Variants in STARD8 observed in about 807,000 individuals in gnomAD.
STARD8 encodes StAR related lipid transfer domain containing 8, also known as stAR-related lipid transfer protein 8.
In STARD8, 25 loss-of-function variants were observed where a neutral mutation model predicts 69.4. That is an observed-to-expected ratio of 0.36 (90% CI 0.26 to 0.50). STARD8 has a LOEUF of 0.50. STARD8 is among the 20% of genes least tolerant of loss of function. The pLI is 0.96. For synonymous variants in STARD8, 389 were observed against 374.6 expected, an observed-to-expected ratio of 1.04 and a Z score of -0.45; for missense variants, 921 against 932.5, an observed-to-expected ratio of 0.99 and a Z score of 0.16.
At chrX:68,707,078 G>A (rs1602595933) in intron 2 of STARD8, among the ~76,000 whole-genome samples, 1 of 112,667 alleles carries the variant, frequency 8.9e-6, no homozygotes, top group East Asian at 2.8e-4. Flanking sequence ...CCGCCGCTCA[G>A]GACACTGGCT....
intron 2 of STARD8, among the ~76,000 whole-genome samples, chrX:68,668,603 C>CT (rs1028153124): frequency 5.4e-4 from 60 of 111,274 alleles, no homozygotes; most frequent in South Asian, 3.8e-4. Context: ...CACAGGATCA[C>CT]TTGGTACCAC....
In STARD8 at chrX:68,647,924, G is replaced by T. The variant is rs1203924893; in HGVS notation, c.42G>T (p.Val14=). The change falls in exon 1 of 15, where the codon GTG becomes GTT. Residue 14 remains valine, a synonymous_variant. Coordinates refer to ENST00000374599, the MANE Select transcript of STARD8 (RefSeq NM_001142503.3). ...TTTTCTGGTCTTGCTTCAGGAAGGT[G>T]AAGGTAAGTGACTGGCCAGCCCCAG... ...LDVFWSCFRK[V]KCFPLLQVKK... is the part of the protein sequence containing the mutation. 2 of 1,197,838 alleles carry T rather than the reference G, an allele frequency of 1.7e-6. No individual in the cohort carries two copies. The highest frequency in any genetic ancestry group is 3.5e-5 in the African/African-American group (2 of 57,266).
intron 2 of STARD8, among the ~76,000 whole-genome samples, chrX:68,668,113 CTGTCTT>C (rs1287643710): frequency 4.7e-5 from 4 of 84,662 alleles, no homozygotes; most frequent in Non-Finnish European, 9.2e-5. Context: ...TTCTTTCTTT[CTGTCTT>C]TCTTTCTTTC....
At chrX:68,687,651 G>A (rs898907080) in intron 2 of STARD8, among the ~76,000 whole-genome samples, 33 of 112,427 alleles carry the variant, frequency 2.9e-4, no homozygotes, top group African/African-American at 9.4e-4. Context: ...GAGAGCCAGA[G>A]AGGGCAAGAC....
At chrX:68,692,313 C>A (rs900914842) in intron 2 of STARD8, among the ~76,000 whole-genome samples, 1 of 111,981 alleles carries the variant, frequency 8.9e-6, no homozygotes, top group Non-Finnish European at 1.9e-5. Context: ...ATGGGACACA[C>A]AGTGGTGGTA....
intron 1 of STARD8, among the ~76,000 whole-genome samples, chrX:68,653,390 CACCCCACA>C (rs1209815178): frequency 6.3e-5 from 4 of 63,617 alleles, no homozygotes; most frequent in Non-Finnish European, 6.1e-5. Context: ...CACACACACA[CACCCCACA>C]CACACCACAC....
chrX:68,709,000 C>T (rs1376750471), intron 2 of STARD8, among the ~76,000 whole-genome samples: 2 of 110,915 alleles, frequency 1.8e-5, no homozygotes, highest in East Asian at 2.9e-4. Context: ...TAGGCTGAGA[C>T]GAGTGGGAGG....
intron 1 of STARD8, among the ~76,000 whole-genome samples, chrX:68,661,188 G>T (rs947712696): frequency 8.9e-6 from 1 of 111,733 alleles, no homozygotes; most frequent in Non-Finnish European, 1.9e-5. Context: ...GAGGCTGAGC[G>T]AAGAGGATGC....
At chrX:68,707,299 C>T (rs1302684172) in intron 2 of STARD8, among the ~76,000 whole-genome samples, 2 of 112,342 alleles carry the variant, frequency 1.8e-5, no homozygotes, top group Non-Finnish European at 3.8e-5. Context: ...TGCCTGCCTT[C>T]CCTCAGCCAT....
At position 68,721,586 on chromosome X, in the gene STARD8, C is replaced by A; in HGVS notation, c.2299C>A (p.Leu767Ile). ...AGCAGCACAAGCCGCCACCTTGCTG[C>A]TCCCCGATGAGAACCGAGAGGTGCT... ...LAAAQAATLLLPDENREVLQT... is the reference protein window; with the variant it reads ...LAAAQAATLLIPDENREVLQT... The change falls in exon 10 of 15, where the codon CTC becomes ATC. Residue 767 changes from leucine to isoleucine, a missense_variant. Coordinates refer to ENST00000374599, the MANE Select transcript of STARD8 (RefSeq NM_001142503.3). 1.7e-6 allele frequency: 2 copies of A among 1,212,104 alleles called. No individual in the cohort carries two copies. Among genetic ancestry groups the A allele is most frequent in the Non-Finnish European group, 2.2e-6 (2 of 895,629 alleles).
chrX:68,668,292 CT>C (rs1336036516), intron 2 of STARD8, among the ~76,000 whole-genome samples: 36 of 88,597 alleles, frequency 4.1e-4, no homozygotes, highest in African/African-American at 1.7e-3. Flanking sequence ...TTCTTTCTTT[CT>C]TTCTTTCTTC....
At position 68,699,700 on chromosome X, in the gene STARD8, G is replaced by A. The variant is rs1465859148; in HGVS notation, c.80-13214G>A. Among the ~76,000 whole-genome samples the A allele has an allele frequency of 3.6e-5, 4 of 111,921 alleles. No homozygotes were observed. The East Asian group carries it at 1.1e-3, about 31-fold the overall frequency. On this transcript the variant is annotated intron_variant, in intron 2 of 14. Transcript: ENST00000374599. ...TTTATGGCCCCCTTAACATGTGGGG[G>A]CAGGAAATGGGGCACTGGAAACCCC...
At chrX:68,662,114 T>A (rs770419716) in intron 1 of STARD8, among the ~76,000 whole-genome samples, 38 of 109,716 alleles carry the variant, frequency 3.5e-4, no homozygotes, top group African/African-American at 1.2e-3. Flanking sequence ...TTCAAGTGAT[T>A]CTCCTGCCTC....
chrX:68,654,385 C>G (rs760967363), intron 1 of STARD8, among the ~76,000 whole-genome samples: 2 of 111,698 alleles, frequency 1.8e-5, no homozygotes, highest in African/African-American at 3.3e-5. Context: ...AACAACCCTG[C>G]CGTACCTACC....
chrX:68,652,997 C>CACA (rs2079566976), intron 1 of STARD8, among the ~76,000 whole-genome samples: 1 of 41,190 alleles, frequency 2.4e-5, no homozygotes, highest in African/African-American at 9.2e-5. Flanking sequence ...ACACCACACA[C>CACA]CACACACACA....
intron 5 of STARD8, among the ~76,000 whole-genome samples, chrX:68,716,701 T>G (rs752629567): frequency 1.8e-5 from 2 of 111,440 alleles, no homozygotes; most frequent in Non-Finnish European, 3.8e-5. Flanking sequence ...CCCTGGGCTG[T>G]GAGACAGGAG....
intron 1 of STARD8, among the ~76,000 whole-genome samples, chrX:68,653,677 C>G (rs1444128879): frequency 1.2e-5 from 1 of 81,863 alleles, no homozygotes; most frequent in Non-Finnish European, 2.4e-5. Context: ...CCCCAACACA[C>G]CACACCACAC....
chrX:68,694,363 C>G (rs1055237568), intron 2 of STARD8, among the ~76,000 whole-genome samples: 17 of 112,684 alleles, frequency 1.5e-4, no homozygotes, highest in African/African-American at 5.5e-4. Context: ...CTGCGGGGAC[C>G]AAGCGAAAAC....
At chrX:68,677,870 G>T (rs894769447) in intron 2 of STARD8, among the ~76,000 whole-genome samples, 25 of 85,185 alleles carry the variant, frequency 2.9e-4, no homozygotes, top group South Asian at 6.5e-4. Context: ...CATATATATA[G>T]AGAGAGAGGA....
Sources: allele counts gnomAD v4.1 joint callset (sites outside exome capture counted in the v4.1 genomes callset), GRCh38; gene constraint gnomAD v4.1.1; transcripts MANE v1.5; gene names NCBI Gene and HGNC (gene_info 2026-07-23, HGNC 2026-07-21).